Variants in GNS observed in about 807,000 individuals in gnomAD.
GNS encodes glucosamine (N-acetyl)-6-sulfatase.
GNS carries 40 observed loss-of-function variants against 69.7 expected under a neutral mutation model. The observed-to-expected ratio is 0.57, with a 90% CI of 0.45 to 0.75. The LOEUF (loss-of-function observed/expected upper bound fraction) is 0.75. GNS is among the 30% of genes least tolerant of loss of function. GNS has a pLI of 0.00. For synonymous variants in GNS, 243 were observed against 251.6 expected, an observed-to-expected ratio of 0.97 and a Z score of 0.32; for missense variants, 565 against 685.5, an observed-to-expected ratio of 0.82 and a Z score of 1.96.
rs1206990614 is a variant in GNS at position 64,716,491 on chromosome 12, A to T, written c.*250T>A. The T allele has an allele frequency of 1.9e-6, 1 of 537,904 alleles. No homozygotes were observed. The highest frequency in any genetic ancestry group is 1.9e-5 in the African/African-American group (1 of 52,506). The allele number at this position is 537,904 out of a possible 1,614,324, so 33.3% of individuals were successfully genotyped here. A position where few individuals can be genotyped will look rare whatever the true frequency, so the allele number is the denominator to read the frequency against. ...TAAAAAGAATACAGTGAGAACAAAGACCTCAGGAGTGTCCTTGTCAGCTAA... is the reference window on the plus strand; with the variant it reads ...TAAAAAGAATACAGTGAGAACAAAGTCCTCAGGAGTGTCCTTGTCAGCTAA... On this transcript the variant is annotated 3_prime_UTR_variant, in exon 14 of 14. Coordinates refer to ENST00000258145, the MANE Select transcript of GNS (RefSeq NM_002076.4).
At chr12:64,759,045 C>T in intron 1 of GNS, 40 bp downstream of exon 1, 2 of 1,493,952 alleles carry the variant, frequency 1.3e-6, no homozygotes, top group Non-Finnish European at 9.1e-7. Flanking sequence ...GGGTAGTCAG[C>T]CCAAGAGATA....
chr12:64,727,757 C>A (rs1267941700), intron 10 of GNS, among the ~76,000 whole-genome samples: 3 of 152,004 alleles, frequency 2.0e-5, no homozygotes, highest in Non-Finnish European at 2.9e-5. Flanking sequence ...TTCCCTGCAC[C>A]ACAATTTAAT....
intron 1 of GNS, among the ~76,000 whole-genome samples, chr12:64,757,860 C>T (rs1156967532): frequency 1.3e-5 from 2 of 152,214 alleles, no homozygotes; most frequent in Admixed American, 1.3e-4. Context: ...GGGTGTGTAA[C>T]TACACAAGAA....
chr12:64,755,997 T>C (rs78627767), intron 1 of GNS, among the ~76,000 whole-genome samples: 6,419 of 152,228 alleles, frequency 0.042, 432 homozygotes, highest in African/African-American at 0.14. Context: ...CAGCTTATGC[T>C]TCTGTGAAGA....
In GNS at chr12:64,747,813, T is replaced by C; in HGVS notation, c.358A>G (p.Ser120Gly). The change falls in exon 3 of 14, where the codon AGT becomes GGT. Residue 120 changes from serine to glycine, a missense_variant. By Grantham distance (56) the Ser-to-Gly change is moderately conservative. This residue lies in a region of GNS where 181 missense variants were observed against 174.4 expected (regional missense o/e 1.04). Transcript: ENST00000258145. ...VNNTLEGNCS[S>G]KSWQKIQEPN... The stretch of plus-strand genomic sequence containing the variant: ...TCTTGGATCTTCTGCCAGGACTTAC[T>C]ACTGCAGTTCCCCTCCAGAGTGTTG... 1 of 1,606,816 alleles carries C rather than the reference T, an allele frequency of 6.2e-7. No individual in the cohort carries two copies. The highest frequency in any genetic ancestry group is 8.5e-7 in the Non-Finnish European group (1 of 1,173,202).
intron 10 of GNS, among the ~76,000 whole-genome samples, chr12:64,724,869 C>A (rs1217203965): frequency 1.3e-5 from 2 of 152,084 alleles, no homozygotes; most frequent in African/African-American, 4.8e-5. Context: ...TCGGAAAAAA[C>A]AAACAAACAA....
intron 2 of GNS, among the ~76,000 whole-genome samples, chr12:64,748,484 C>T (rs1869966451): frequency 1.3e-5 from 2 of 152,062 alleles, no homozygotes; most frequent in South Asian, 4.2e-4. Context: ...GCTGGGATTA[C>T]AGGTGTGAGC....
chr12:64,732,837 T>G (rs1452228537), intron 9 of GNS, among the ~76,000 whole-genome samples: 1 of 151,542 alleles, frequency 6.6e-6, no homozygotes, highest in Non-Finnish European at 1.5e-5. Context: ...CCTCAGGTGA[T>G]CCACACCTGC....
chr12:64,747,407 A>G (rs1452033022), intron 3 of GNS, among the ~76,000 whole-genome samples: 1 of 152,212 alleles, frequency 6.6e-6, no homozygotes, highest in Non-Finnish European at 1.5e-5. Flanking sequence ...GGAAAAAGGG[A>G]AGACGCATCA....
At chr12:64,751,595 G>A (rs978904611) in intron 2 of GNS, among the ~76,000 whole-genome samples, 2 of 152,100 alleles carry the variant, frequency 1.3e-5, no homozygotes, top group African/African-American at 2.4e-5. Context: ...GTACTTTCTC[G>A]TATCTATTGG....
chr12:64,748,637 T>C (rs1217800725), intron 2 of GNS, among the ~76,000 whole-genome samples: 1 of 152,142 alleles, frequency 6.6e-6, no homozygotes, highest in Non-Finnish European at 1.5e-5. Flanking sequence ...GCTTTACACA[T>C]TTCCTATATC....
intron 1 of GNS, among the ~76,000 whole-genome samples, chr12:64,754,373 C>T (rs995969416): frequency 7.2e-5 from 11 of 152,072 alleles, no homozygotes; most frequent in African/African-American, 2.2e-4. Context: ...AACTTCAGTA[C>T]GGAGAGCCAT....
intron 13 of GNS, among the ~76,000 whole-genome samples, chr12:64,719,439 A>T (rs561580074): frequency 6.6e-6 from 1 of 152,234 alleles, no homozygotes; most frequent in African/African-American, 2.4e-5. Context: ...GTTACTGCTG[A>T]AAAGTTACTA....
intron 13 of GNS, 50 bp downstream of exon 13, chr12:64,719,972 T>C: frequency 7.8e-7 from 1 of 1,282,756 alleles, no homozygotes; most frequent in East Asian, 2.3e-5. Flanking sequence ...AAGAACAGCA[T>C]GTCTACTAGA....
intron 4 of GNS, 57 bp downstream of exon 4, chr12:64,745,602 C>T (rs199615043): frequency 5.3e-6 from 5 of 951,950 alleles, no homozygotes. Context: ...CTAAATTAAA[C>T]ATATTCTGCA....
intron 10 of GNS, among the ~76,000 whole-genome samples, chr12:64,724,441 G>A (rs1346649682): frequency 6.6e-6 from 1 of 152,198 alleles, no homozygotes; most frequent in African/African-American, 2.4e-5. Context: ...CTTGAATGCC[G>A]CAGCCACCTG....
At chr12:64,716,955 T>C (rs1868880461) in intron 13 of GNS, 136 bp from the exon 14 acceptor site, 2 of 709,044 alleles carry the variant, frequency 2.8e-6, no homozygotes, top group Admixed American at 4.0e-5. Context: ...AAGTCTATGG[T>C]ACAAAACATG....
chr12:64,720,966 T>G (rs925998778), intron 12 of GNS, among the ~76,000 whole-genome samples: 10 of 152,246 alleles, frequency 6.6e-5, no homozygotes, highest in African/African-American at 2.2e-4. Flanking sequence ...TTGTCCAAAG[T>G]GCTTATCAGC....
chr12:64,726,040 T>C (rs1396703800), intron 10 of GNS, among the ~76,000 whole-genome samples: 2 of 139,166 alleles, frequency 1.4e-5, no homozygotes, highest in Non-Finnish European at 3.1e-5. Flanking sequence ...CATAATAAGG[T>C]ACAAAGTATA....
Sources: allele counts gnomAD v4.1 joint callset (sites outside exome capture counted in the v4.1 genomes callset), GRCh38; gene constraint gnomAD v4.1.1; regional missense constraint gnomAD v4.1.1; transcripts MANE v1.5; gene names NCBI Gene and HGNC (gene_info 2026-07-23, HGNC 2026-07-21).